The following FIRRM variants were observed in gnomAD, a reference collection of about 807,000 sequenced individuals.
The protein encoded by FIRRM is FIGNL1 interacting regulator of recombination and mitosis.
At chr1:169,845,966 C>G in the FIRRM span, among the ~76,000 whole-genome samples, 4 of 152,214 alleles carry the variant, frequency 2.6e-5, no homozygotes, top group Admixed American at 6.5e-5. Flanking sequence ...AGAGGAATCA[C>G]TATCCATGGC....
chr1:169,841,253 T>G, the FIRRM span, among the ~76,000 whole-genome samples: 1 of 152,256 alleles, frequency 6.6e-6, no homozygotes, highest in Admixed American at 6.5e-5. Context: ...TGAATCACAC[T>G]TATTGATTTG....
the FIRRM span, among the ~76,000 whole-genome samples, chr1:169,839,772 A>G: frequency 6.6e-6 from 1 of 151,980 alleles, no homozygotes; most frequent in Non-Finnish European, 1.5e-5. Context: ...TTTTGTTTTC[A>G]TTACAATTGC....
chr1:169,793,374 CT>C, the FIRRM span: 2 of 1,614,160 alleles, frequency 1.2e-6, no homozygotes, highest in Non-Finnish European at 1.7e-6. Context: ...TTCTTTAAAT[CT>C]TTAGGCATAG....
chr1:169,830,887 T>C, the FIRRM span: 2 of 720,772 alleles, frequency 2.8e-6, no homozygotes, highest in Non-Finnish European at 2.4e-6. Context: ...CTTGTATTAA[T>C]GCTGATGCTT....
chr1:169,837,203 C>G, the FIRRM span: 3 of 921,392 alleles, frequency 3.3e-6, no homozygotes, highest in Admixed American at 6.8e-5. Flanking sequence ...TAATAAGATG[C>G]ACACACTCTC....
At chr1:169,798,857 G>C in the FIRRM span, 2 of 998,328 alleles carry the variant, frequency 2.0e-6, no homozygotes, top group Non-Finnish European at 2.7e-6. Context: ...TTTTTTTTAG[G>C]TTTGTTCTGA....
chr1:169,850,314 C>T, the FIRRM span: 2 of 1,611,618 alleles, frequency 1.2e-6, no homozygotes, highest in Non-Finnish European at 8.5e-7. Flanking sequence ...TCTGAAGAAA[C>T]TAAGAACAAA....
At chr1:169,840,496 GTTCTT>G in the FIRRM span, among the ~76,000 whole-genome samples, 3 of 150,212 alleles carry the variant, frequency 2.0e-5, no homozygotes, top group Non-Finnish European at 3.0e-5. Flanking sequence ...ACAGGATCGT[GTTCTT>G]TTCTTTTTTC....
the FIRRM span, among the ~76,000 whole-genome samples, chr1:169,838,191 G>T: frequency 2.6e-5 from 4 of 152,140 alleles, no homozygotes; most frequent in African/African-American, 9.6e-5. Flanking sequence ...TACCCTCCTT[G>T]GCCTCCCAAA....
the FIRRM span, chr1:169,827,926 GTTTTT>G: frequency 7.7e-7 from 1 of 1,290,472 alleles, no homozygotes; most frequent in Non-Finnish European, 1.1e-6. Flanking sequence ...AAGTTTGTGT[GTTTTT>G]TTTTTAAATC....
chr1:169,852,159 T>A, the FIRRM span: 1 of 604,278 alleles, frequency 1.7e-6, no homozygotes, highest in Non-Finnish European at 2.9e-6. Flanking sequence ...TTATTGGTAG[T>A]AACCTTTAAG....
At chr1:169,792,438 T>C in the FIRRM span, 12 of 724,018 alleles carry the variant, frequency 1.7e-5, no homozygotes, top group South Asian at 9.5e-5. Flanking sequence ...ACTGGTAACA[T>C]AGCTCACTTA....
chr1:169,819,055 A>G, the FIRRM span, among the ~76,000 whole-genome samples: 1 of 152,228 alleles, frequency 6.6e-6, no homozygotes, highest in African/African-American at 2.4e-5. Context: ...CCAGGAAAGC[A>G]TGCGGTTTCT....
the FIRRM span, among the ~76,000 whole-genome samples, chr1:169,799,760 C>CA: frequency 6.6e-6 from 1 of 152,150 alleles, no homozygotes; most frequent in Non-Finnish European, 1.5e-5. Context: ...CCATGTTGGC[C>CA]AGGCTGGTCT....
At chr1:169,850,317 A>G in the FIRRM span, 2 of 1,611,032 alleles carry the variant, frequency 1.2e-6, no homozygotes, top group Admixed American at 1.7e-5. Flanking sequence ...GAAGAAACTA[A>G]GAACAAAGTT....
At chr1:169,853,905 A>AACTT in the FIRRM span, 9 of 945,860 alleles carry the variant, frequency 9.5e-6, no homozygotes, top group East Asian at 2.5e-5. Context: ...TAAGTAAAAT[A>AACTT]ACTTAGAGCT....
chr1:169,834,929 T>G, the FIRRM span, among the ~76,000 whole-genome samples: 1 of 152,302 alleles, frequency 6.6e-6, no homozygotes, highest in South Asian at 2.1e-4. Flanking sequence ...GTTGGGTGTT[T>G]GTAGCTGAGA....
the FIRRM span, among the ~76,000 whole-genome samples, chr1:169,791,156 C>T: frequency 9.9e-5 from 15 of 152,188 alleles, no homozygotes; most frequent in African/African-American, 2.4e-4. Flanking sequence ...TAACAGGCCA[C>T]GGACCAGTAC....
At chr1:169,820,032 A>G in the FIRRM span, among the ~76,000 whole-genome samples, 457 of 152,338 alleles carry the variant, frequency 3.0e-3, 2 homozygotes, top group Non-Finnish European at 4.5e-3. Context: ...TAATTAAAAC[A>G]TGAACCCCCA....
Sources: gnomAD v4.1 joint callset for allele counts (sites outside exome capture counted in the v4.1 genomes callset) on GRCh38, gnomAD v4.1.1 for gene constraint, MANE v1.5 for transcripts, NCBI Gene and HGNC (gene_info 2026-07-23, HGNC 2026-07-21) for gene names.